TNS1: variants seen among roughly 807,000 people sequenced by gnomAD.
TNS1 encodes tensin-1.
In TNS1, 62 loss-of-function variants were observed where a neutral mutation model predicts 168.6. The ratio of observed to expected loss-of-function variants is 0.37; its 90% CI spans 0.30 to 0.45. The LOEUF (loss-of-function observed/expected upper bound fraction) is 0.45, where lower values mean the gene tolerates loss of function less well. Ranked by LOEUF, TNS1 falls within the 20% of genes least tolerant of loss-of-function variation. The pLI is 1.00. For missense variants in TNS1, 2,240 were observed against 2,339.4 expected (o/e 0.96, Z 0.88); for synonymous variants, 934 against 933.2 (o/e 1.00, Z -0.02).
chr2:217,861,362 C>G (rs1948768257), intron 18 of TNS1, among the ~76,000 whole-genome samples: 1 of 152,184 alleles, frequency 6.6e-6, no homozygotes, highest in South Asian at 2.1e-4. Context: ...AGTCCCTGAG[C>G]CTGACATACT....
At chr2:217,901,842 G>T (rs1953028809) in intron 6 of TNS1, 1 of 152,284 alleles carries the variant, frequency 6.6e-6, no homozygotes, top group Non-Finnish European at 1.5e-5. Context: ...CAGGATAGGT[G>T]GGTTCCGAGG....
intron 4 of TNS1, among the ~76,000 whole-genome samples, chr2:217,913,480 G>A (rs1954660197): frequency 6.6e-6 from 1 of 152,046 alleles, no homozygotes; most frequent in Admixed American, 6.5e-5. Context: ...CCTGGCCAGG[G>A]CACTGGAAGG....
intron 1 of TNS1, among the ~76,000 whole-genome samples, chr2:218,031,017 T>C (rs923605528): frequency 6.8e-6 from 1 of 146,318 alleles, no homozygotes; most frequent in Non-Finnish European, 1.5e-5. Context: ...TGGGAGTGTA[T>C]GTGTGTATGT....
chr2:217,843,213 T>G (rs1181676261), intron 19 of TNS1, among the ~76,000 whole-genome samples: 2 of 152,074 alleles, frequency 1.3e-5, no homozygotes, highest in Non-Finnish European at 2.9e-5. Flanking sequence ...TTATCTATCC[T>G]TTATTCTAAT....
chr2:217,945,152 G>A (rs1163112899), intron 3 of TNS1, among the ~76,000 whole-genome samples: 3 of 152,206 alleles, frequency 2.0e-5, no homozygotes, highest in Non-Finnish European at 2.9e-5. Context: ...ACATCCAGAG[G>A]TTGAAAGGCC....
chr2:218,006,852 G>A (rs569353064), upstream of TNS1, among the ~76,000 whole-genome samples: 8 of 152,198 alleles, frequency 5.3e-5, no homozygotes, highest in East Asian at 1.9e-4. Context: ...AGGTCCAAGC[G>A]AATGTGTTTG....
rs1483171663 is a variant in TNS1, at chr2:217,817,718, C to A, written c.4614G>T (p.Leu1538=). ...GGSTVSFSHT[L]PDFSKYSMPD... is the part of the protein sequence containing the mutation. ...GCATGGAGTACTTGGAGAAGTCGGGCAGAGTGTGGGAGAAGGAGACGGTGC... is the reference window on the plus strand; with the variant it reads ...GCATGGAGTACTTGGAGAAGTCGGGAAGAGTGTGGGAGAAGGAGACGGTGC... The change falls in exon 24 of 33, where the codon CTG becomes CTT. Residue 1538 remains leucine (L), a synonymous_variant. Coordinates refer to ENST00000682258, the MANE Select transcript of TNS1 (RefSeq NM_001387777.1). 4 of 1,601,958 alleles carry A rather than the reference C, an allele frequency of 2.5e-6. No individual in the cohort carries two copies. The highest frequency in any genetic ancestry group is 3.4e-6 in the Non-Finnish European group (4 of 1,170,936).
intron 7 of TNS1, 123 bp from the exon 8 acceptor site, chr2:217,898,092 C>T: frequency 8.5e-7 from 1 of 1,174,404 alleles, no homozygotes; most frequent in Middle Eastern, 2.1e-4. Context: ...TGCTTGGCTG[C>T]TCTTCAACCC....
chr2:218,002,084 C>T (rs1222364287), intron 1 of TNS1, among the ~76,000 whole-genome samples: 1 of 152,352 alleles, frequency 6.6e-6, no homozygotes, highest in South Asian at 2.1e-4. Flanking sequence ...AGCCCTCTCC[C>T]ATCCCCCTTT....
chr2:217,828,999 A>T (rs1944007777), intron 22 of TNS1, among the ~76,000 whole-genome samples: 1 of 152,128 alleles, frequency 6.6e-6, no homozygotes, highest in Admixed American at 6.5e-5. Context: ...GTCATGACTG[A>T]GTGAGAGCTA....
intron 22 of TNS1, among the ~76,000 whole-genome samples, chr2:217,828,699 T>C (rs773804350): frequency 2.0e-5 from 3 of 152,232 alleles, no homozygotes; most frequent in Admixed American, 6.5e-5. Context: ...AGGGCTCATC[T>C]AAATCAGGGG....
chr2:217,904,443 C>A (rs1212261302), intron 6 of TNS1, among the ~76,000 whole-genome samples: 1 of 152,162 alleles, frequency 6.6e-6, no homozygotes, highest in Admixed American at 6.5e-5. Context: ...CTGGAGCCAA[C>A]CCAACCTGAG....
chr2:217,884,483 C>G lies in TNS1; in HGVS notation c.1246+552G>C, dbSNP rs897072639. Among the ~76,000 whole-genome samples the G allele has an allele frequency of 2.0e-5, 3 of 152,060 alleles. No individual in the cohort carries two copies. The South Asian group carries it at 6.2e-4, about 32-fold the overall frequency. ...GCAAAAGCAAACACCAAACCTTTCCCAACCACCTCTTCTCCTCTCAGAAAA... is the reference window on the plus strand; with the variant it reads ...GCAAAAGCAAACACCAAACCTTTCCGAACCACCTCTTCTCCTCTCAGAAAA... On this transcript the variant is annotated intron_variant, in intron 16 of 32. Transcript: ENST00000682258.
At chr2:217,806,280 A>C (rs1039236681) in intron 32 of TNS1, among the ~76,000 whole-genome samples, 1 of 152,206 alleles carries the variant, frequency 6.6e-6, no homozygotes, top group Non-Finnish European at 1.5e-5. Flanking sequence ...CTCAGCCCGC[A>C]AGGGCAGGAG....
rs928440670 is a variant in TNS1 at position 217,836,062 on chromosome 2, C to T, written c.3157G>A (p.Glu1053Lys). ...VRSPVQCVSP[E>K]LALTIALNPG... ...TTGAGAGCGATGGTAAGAGCCAGCT[C>T]CGGGGAGACACACTGGACAGGGGAG... Residue 1053 changes from glutamate to lysine, a missense_variant, in exon 20 of 33, where the codon GAG becomes AAG. Transcript: ENST00000682258. 3.7e-6 allele frequency: 6 copies of T among 1,613,922 alleles called. No homozygotes were observed. Among genetic ancestry groups the T allele is most frequent in the Non-Finnish European group, 5.1e-6 (6 of 1,179,958 alleles).
intron 32 of TNS1, among the ~76,000 whole-genome samples, chr2:217,805,518 A>C (rs1574522004): frequency 1.1e-3 from 9 of 8,436 alleles, no homozygotes; most frequent in East Asian, 3.9e-3. Flanking sequence ...CACACACACC[A>C]CACACACCAC....
At chr2:217,830,428 C>T (rs774699266) in intron 22 of TNS1, 1 of 1,610,432 alleles carries the variant, frequency 6.2e-7, no homozygotes, top group East Asian at 2.2e-5. Context: ...ATAGCCCCCA[C>T]CCAGCCCTAA....
rs1303690351 is a variant in TNS1, at chr2:217,821,724, C to T, written c.3572+16G>A. On this transcript the variant is annotated intron_variant, in intron 23 of 32. Transcript: ENST00000682258. ...CCGGATTCCCATCCCCCACCCACTG[C>T]CCCTTCCCGGCTTACCTGTCAGCAC... 1.4e-6 allele frequency: 2 copies of T among 1,419,914 alleles called. No homozygotes were observed. Among genetic ancestry groups the T allele is most frequent in the East Asian group, 2.8e-5 (1 of 36,302 alleles). 88.0% of individuals were successfully genotyped at this position (1,419,914 alleles called of 1,614,324 possible). A position where few individuals can be genotyped will look rare whatever the true frequency, so the allele number is the denominator to read the frequency against.
At chr2:217,854,228 A>G (rs1947853725) in intron 18 of TNS1, among the ~76,000 whole-genome samples, 1 of 152,156 alleles carries the variant, frequency 6.6e-6, no homozygotes, top group Non-Finnish European at 1.5e-5. Flanking sequence ...TCTCTTCCTC[A>G]TGAAAAGTAG....
Sources: gnomAD v4.1 joint callset for allele counts (sites outside exome capture counted in the v4.1 genomes callset) on GRCh38, gnomAD v4.1.1 for gene constraint, MANE v1.5 for transcripts, NCBI Gene and HGNC (gene_info 2026-07-23, HGNC 2026-07-21) for gene names.